Variants in TNXB observed in about 807,000 individuals in gnomAD.
TNXB encodes the protein tenascin XB.
In TNXB, 183 loss-of-function variants were observed where a neutral mutation model predicts 340.5. The ratio of observed to expected loss-of-function variants is 0.54; its 90% CI spans 0.48 to 0.61. The LOEUF (loss-of-function observed/expected upper bound fraction) is 0.61, where lower values mean the gene tolerates loss of function less well. Among genes scored for constraint, TNXB ranks in the 20% least tolerant of loss-of-function variants. TNXB has a pLI of 0.00. For synonymous variants in TNXB, 2,121 were observed against 2,314.5 expected, an observed-to-expected ratio of 0.92 and a Z score of 2.40; for missense variants, 4,613 against 5,446.4, an observed-to-expected ratio of 0.85 and a Z score of 4.82.
At chr6:32,103,946 G>C (rs902437498) in intron 1 of TNXB, among the ~76,000 whole-genome samples, 3 of 152,034 alleles carry the variant, frequency 2.0e-5, no homozygotes, top group Admixed American at 1.3e-4. Flanking sequence ...GACCAGGCTG[G>C]TCTTGAGCTC....
intron 29 of TNXB, 105 bp downstream of exon 29, chr6:32,048,258 A>T: frequency 7.9e-7 from 1 of 1,272,704 alleles, no homozygotes; most frequent in Non-Finnish European, 1.1e-6. Context: ...CCAATAAATC[A>T]GTGGGTGCTG....
intron 11 of TNXB, among the ~76,000 whole-genome samples, chr6:32,077,935 GA>G (rs1779170558): frequency 6.6e-6 from 1 of 151,984 alleles, no homozygotes; most frequent in African/African-American, 2.4e-5. Flanking sequence ...GCTGAGGCAG[GA>G]GAATCACTTG....
chr6:32,055,863 C>A lies in TNXB; in HGVS notation c.8455G>T (p.Val2819Leu), dbSNP rs202023928. Residue 2819 changes from valine to leucine, a missense_variant, in exon 24 of 44, where the codon GTG becomes TTG. By Grantham distance (32) the Val-to-Leu change is conservative (BLOSUM62 1). Coordinates refer to ENST00000644971, the MANE Select transcript of TNXB (RefSeq NM_001365276.2). ...EGRRVGPVST[V>L]GVTAPEDEAE... is the part of the protein sequence containing the mutation. ...CACAAACACTCACCTGTCACACCCA[C>A]GGTGGACACCGGGCCCACACGCCGC... 1 of 1,611,786 alleles carries A rather than the reference C, an allele frequency of 6.2e-7. No homozygotes were observed. Among genetic ancestry groups the A allele is most frequent in the Non-Finnish European group, 8.5e-7 (1 of 1,178,642 alleles).
intron 3 of TNXB, 167 bp downstream of exon 3, chr6:32,095,444 C>T (rs964934126): frequency 2.6e-5 from 22 of 850,100 alleles, no homozygotes; most frequent in Non-Finnish European, 3.4e-5. Flanking sequence ...AAGGCCAGTC[C>T]TGCCCACTGG....
At position 32,058,409 on chromosome 6, in the gene TNXB, G is replaced by T; in HGVS notation, c.7493-19C>A. On this transcript the variant is annotated intron_variant, in intron 21 of 43. Coordinates refer to ENST00000644971, the MANE Select transcript of TNXB (RefSeq NM_001365276.2). The surrounding 1 kb of genome is among the most constrained non-coding windows in gnomAD (Gnocchi z 5.1). ...TGTGGGGCTGAAAGGTAATATAGGGGGATACAGAGTTTAAGGGTTTAAGGG... is the reference window on the plus strand; with the variant it reads ...TGTGGGGCTGAAAGGTAATATAGGGTGATACAGAGTTTAAGGGTTTAAGGG... 6.4e-7 allele frequency: 1 copy of T among 1,565,210 alleles called. No individual in the cohort carries two copies. Among genetic ancestry groups the T allele is most frequent in the Non-Finnish European group, 8.7e-7 (1 of 1,154,964 alleles).
Position 32,073,523 on chromosome 6 carries a change from G to A in TNXB, c.4681+124C>T. On this transcript the variant is annotated intron_variant, in intron 12 of 43. Coordinates refer to ENST00000644971, the MANE Select transcript of TNXB (RefSeq NM_001365276.2). The surrounding 1 kb of genome is among the most constrained non-coding windows in gnomAD (Gnocchi z 4.6). ...AAGACTGGCAGGGTCACCGAGCCAG[G>A]GCCTGAGGGGATCTAGCCCCTCAGT... 1.2e-6 allele frequency: 1 copy of A among 829,510 alleles called. No homozygotes were observed. Among genetic ancestry groups the A allele is most frequent in the Non-Finnish European group, 1.9e-6 (1 of 537,436 alleles). The allele number at this position is 829,510 out of a possible 1,614,324, so 51.4% of individuals were successfully genotyped here.
chr6:32,055,944 C>G lies in TNXB; in HGVS notation c.8374G>C (p.Gly2792Arg). 1 of 1,613,484 alleles carries G rather than the reference C, an allele frequency of 6.2e-7. No homozygotes were observed. The highest frequency in any genetic ancestry group is 8.5e-7 in the Non-Finnish European group (1 of 1,179,870). The change falls in exon 24 of 44, where the codon GGG (glycine) becomes CGG (arginine). Residue 2792 changes from glycine to arginine, a missense_variant. This residue lies in a region of TNXB where 4,327 missense variants were observed against 4,859.4 expected (regional missense o/e 0.89). Coordinates refer to ENST00000644971, the MANE Select transcript of TNXB (RefSeq NM_001365276.2). ...VRGEESEVTV[G>R]GLEPGRKYKM... Reference sequence around the variant, plus strand: ...TATTTGCGCCCGGGCTCCAGGCCCCCCACGGTGACCTCGCTCTCCTCGCCC... The same window carrying G: ...TATTTGCGCCCGGGCTCCAGGCCCCGCACGGTGACCTCGCTCTCCTCGCCC...
Position 32,050,227 on chromosome 6 carries a change from A to G in TNXB, c.9210T>C (p.Asp3070=), listed in dbSNP as rs1247237562. The part of the protein sequence containing the change: ...KPRLGELTVT[D]ATPDSLSLSW... Reference sequence around the variant, plus strand: ...ACAGGCTGAGGGAGTCGGGGGTGGCATCTGTCACGGTCAGCTCCCCCAGGC... The same window carrying G: ...ACAGGCTGAGGGAGTCGGGGGTGGCGTCTGTCACGGTCAGCTCCCCCAGGC... The change falls in exon 27 of 44, where the codon GAT becomes GAC. Residue 3070 remains aspartate, a synonymous_variant. Coordinates refer to ENST00000644971, the MANE Select transcript of TNXB (RefSeq NM_001365276.2). The G allele has an allele frequency of 6.2e-7, 1 of 1,613,622 alleles. No homozygotes were observed. The highest frequency in any genetic ancestry group is 8.5e-7 in the Non-Finnish European group (1 of 1,179,846).
Position 32,052,525 on chromosome 6 carries a change from A to G in TNXB, c.9115+145T>C, listed in dbSNP as rs1192604296. 8.6e-7 allele frequency: 1 copy of G among 1,166,612 alleles called. No homozygotes were observed. Among genetic ancestry groups the G allele is most frequent in the Non-Finnish European group, 1.2e-6 (1 of 848,220 alleles). 72.3% of individuals were successfully genotyped at this position (1,166,612 alleles called of 1,614,324 possible). A position where few individuals can be genotyped will look rare whatever the true frequency, so the allele number is the denominator to read the frequency against. ...GCCCTAGGCCAAGCCTGCTGAATCC[A>G]AATCTGCTTTTTAACAAAAATCTCC... On this transcript the variant is annotated intron_variant, in intron 26 of 43. Transcript: ENST00000644971. The surrounding 1 kb of genome is among the most constrained non-coding windows in gnomAD (Gnocchi z 4.7).
In TNXB at chr6:32,089,912, A is replaced by C. The variant is rs1227238038; in HGVS notation, c.2359-533T>G. Among the ~76,000 whole-genome samples the C allele has an allele frequency of 6.6e-6, 1 of 152,202 alleles. No homozygotes were observed. The highest frequency in any genetic ancestry group is 1.5e-5 in the Non-Finnish European group (1 of 68,038). ...CCTAAGCTTGGTCCTGTCAGAACAAATGAAGTAGATCAAGGATGCCCCTTC... is the reference window on the plus strand; with the variant it reads ...CCTAAGCTTGGTCCTGTCAGAACAACTGAAGTAGATCAAGGATGCCCCTTC... On this transcript the variant is annotated intron_variant, in intron 4 of 43. Coordinates refer to ENST00000644971, the MANE Select transcript of TNXB (RefSeq NM_001365276.2). This position sits in a 1 kb window ranked among gnomAD's most constrained non-coding sequence, Gnocchi z 6.2.
Position 32,062,346 on chromosome 6 carries a change from C to T in TNXB, c.6979G>A (p.Glu2327Lys), listed in dbSNP as rs764604500. ...ACCAGGAAGTGGTCAAACTGTCCCT[C>T]GGGAACCGTCCAGGACAGGCTGAGG... Reference protein sequence around the residue: ...DSLSLSWTVPEGQFDHFLVQY... With the variant: ...DSLSLSWTVPKGQFDHFLVQY... Residue 2327 changes from glutamate (E) to lysine (K), a missense_variant, in exon 20 of 44, where the codon GAG becomes AAG. Physicochemically the swap from Glu to Lys is moderately conservative, Grantham distance 56. Coordinates refer to ENST00000644971, the MANE Select transcript of TNXB (RefSeq NM_001365276.2). The surrounding 1 kb of genome is among the most constrained non-coding windows in gnomAD (Gnocchi z 4.3). 39 of 1,613,384 alleles carry T rather than the reference C, an allele frequency of 2.4e-5. No homozygotes were observed. Among genetic ancestry groups the T allele is most frequent in the African/African-American group, 4.0e-5 (3 of 74,910 alleles).
At chr6:32,056,209 C>G (rs766983319) in intron 23 of TNXB, 35 bp from the exon 24 acceptor site, 11 of 1,593,980 alleles carry the variant, frequency 6.9e-6, no homozygotes, top group Non-Finnish European at 9.4e-6. Flanking sequence ...ATGCCAGGTG[C>G]CTGGGGGATG....
Position 32,056,029 on chromosome 6 carries a change from G to A in TNXB, c.8289C>T (p.Phe2763=), listed in dbSNP as rs542131017. Residue 2763 remains phenylalanine, a synonymous_variant, in exon 24 of 44, where the codon TTC becomes TTT. Transcript: ENST00000644971. ...SLSWTIPQGH[F]DSFTVQYKDR... is the part of the protein sequence containing the mutation. ...CCTTGTACTGCACGGTGAAGGAGTC[G>A]AAGTGGCCCTGGGGGATGGTCCAGG... 9.9e-5 allele frequency: 160 copies of A among 1,613,096 alleles called. 2 individuals are homozygous for A. The South Asian group carries it at 1.6e-3, about 16-fold the overall frequency.
At position 32,043,899 on chromosome 6, in the gene TNXB, A is replaced by C. The variant is rs1776636512; in HGVS notation, c.11387-7T>G. The C allele has an allele frequency of 1.2e-6, 2 of 1,613,332 alleles. No homozygotes were observed. The highest frequency in any genetic ancestry group is 8.5e-7 in the Non-Finnish European group (1 of 1,179,966). The stretch of plus-strand genomic sequence containing the variant: ...TGCACACTCTGAGGCTCCCCTGAAA[A>C]CATTGGGGATCGAGGGTTACCCAGG... On this transcript the variant is annotated splice_region_variant and splice_polypyrimidine_tract_variant and intron_variant, in intron 34 of 43. Coordinates refer to ENST00000644971, the MANE Select transcript of TNXB (RefSeq NM_001365276.2).
chr6:32,083,712 T>G lies in TNXB; in HGVS notation c.3445+701A>C, dbSNP rs985731165. 3.3e-5 allele frequency among the ~76,000 whole-genome samples: 5 copies of G among 151,942 alleles called. No homozygotes were observed. Among genetic ancestry groups the G allele is most frequent in the African/African-American group, 1.2e-4 (5 of 41,338 alleles). On this transcript the variant is annotated intron_variant, in intron 8 of 43. Coordinates refer to ENST00000644971, the MANE Select transcript of TNXB (RefSeq NM_001365276.2). This position sits in a 1 kb window ranked among gnomAD's most constrained non-coding sequence, Gnocchi z 4.6. ...AGTGTGGATAGCACCCAGGCTGGAGTACAGTGGCACAATCATGGCTCTCTG... is the reference window on the plus strand; with the variant it reads ...AGTGTGGATAGCACCCAGGCTGGAGGACAGTGGCACAATCATGGCTCTCTG...
Position 32,069,119 on chromosome 6 carries a change from C to T in TNXB, c.5605G>A (p.Glu1869Lys), listed in dbSNP as rs1478239366. 3.1e-6 allele frequency: 5 copies of T among 1,608,430 alleles called. No homozygotes were observed. In the South Asian group the frequency reaches 3.3e-5, roughly 11 times the overall value. ...GGGGTCGGGGCCGTGGTCTCAGTTT[C>T]CGTTTCTTCCCTGCCGGCTGGTTCA... ...VAITAGREETETETTAPTPPA... is the reference protein window; with the variant it reads ...VAITAGREETKTETTAPTPPA... Residue 1869 changes from glutamate (E) to lysine (K), a missense_variant, in exon 16 of 44, where the codon GAA (glutamate) becomes AAA (lysine). Around this residue, in one of 7 missense-constraint regions of TNXB, gnomAD observed 4,327 missense variants for 4,859.4 expected, o/e 0.89. Coordinates refer to ENST00000644971, the MANE Select transcript of TNXB (RefSeq NM_001365276.2). This position sits in a 1 kb window ranked among gnomAD's most constrained non-coding sequence, Gnocchi z 6.2.
chr6:32,072,217 A>C lies in TNXB; in HGVS notation c.4763T>G (p.Ile1588Arg), dbSNP rs867305770. ...PRLGELTVTD[I>R]TPDSVGLSWT... ...TGAGAGGCCCACAGAGTCAGGGGTTATATCCGTCACTGTCAGCTCCCCTAG... is the reference window on the plus strand; with the variant it reads ...TGAGAGGCCCACAGAGTCAGGGGTTCTATCCGTCACTGTCAGCTCCCCTAG... The change falls in exon 13 of 44, where the codon ATA becomes AGA. Residue 1588 changes from isoleucine to arginine, a missense_variant. Physicochemically the swap from Ile to Arg is moderately conservative, Grantham distance 97. This residue lies in a region of TNXB where 4,327 missense variants were observed against 4,859.4 expected (regional missense o/e 0.89). Coordinates refer to ENST00000644971, the MANE Select transcript of TNXB (RefSeq NM_001365276.2). The surrounding 1 kb of genome is among the most constrained non-coding windows in gnomAD (Gnocchi z 4.4). 1 of 1,611,626 alleles carries C rather than the reference A, an allele frequency of 6.2e-7. No individual in the cohort carries two copies. Among genetic ancestry groups the C allele is most frequent in the East Asian group, 2.2e-5 (1 of 44,876 alleles).
In TNXB at chr6:32,071,989, C is replaced by T. The variant is rs777921282; in HGVS notation, c.4990+1G>A. On this transcript the variant is annotated splice_donor_variant, in intron 13 of 43. Coordinates refer to ENST00000644971, the MANE Select transcript of TNXB (RefSeq NM_001365276.2). LOFTEE classifies it high-confidence loss of function. Reference sequence around the variant, plus strand: ...CTCAGCTGTGTAGGGGCCCATCTCACCCGTCTTTGCCTCCACAGAGACTGG... The same window carrying T: ...CTCAGCTGTGTAGGGGCCCATCTCATCCGTCTTTGCCTCCACAGAGACTGG... 6.3e-7 allele frequency: 1 copy of T among 1,592,030 alleles called. No homozygotes were observed. Among genetic ancestry groups the T allele is most frequent in the Non-Finnish European group, 8.6e-7 (1 of 1,167,352 alleles).
chr6:32,049,366 C>T lies in TNXB; in HGVS notation c.9661G>A (p.Val3221Met), dbSNP rs367685759. The change falls in exon 28 of 44, where the codon GTG (valine) becomes ATG (methionine). Residue 3221 changes from valine (V) to methionine (M), a missense_variant. Physicochemically the swap from Val to Met is conservative, Grantham distance 21. This residue lies in a region of TNXB where 4,327 missense variants were observed against 4,859.4 expected (regional missense o/e 0.89). Transcript: ENST00000644971. The surrounding 1 kb of genome is among the most constrained non-coding windows in gnomAD (Gnocchi z 4.5). ...RVRGEESEVT[V>M]GGLEPGRKYK... ...TTGCGCCCGGGCTCCAGGCCCCCCA[C>T]GGTGACCTCGCTCTCCTCGCCCCTG... is the stretch of plus-strand genomic sequence containing the variant. 2.6e-3 allele frequency: 4,232 copies of T among 1,612,516 alleles called. 151 individuals are homozygous for T. The South Asian group carries it at 0.041, about 15-fold the overall frequency.
Sources: allele counts gnomAD v4.1 joint callset (sites outside exome capture counted in the v4.1 genomes callset), GRCh38; gene constraint gnomAD v4.1.1; regional missense constraint gnomAD v4.1.1; non-coding constraint Gnocchi (gnomAD v3.1); transcripts MANE v1.5; gene names NCBI Gene and HGNC (gene_info 2026-07-23, HGNC 2026-07-21).